WSCD2: variants seen among roughly 807,000 people sequenced by gnomAD.
WSCD2 encodes WSC domain sialate O sulfotransferase 2, also known as sialate:O-sulfotransferase 2.
In WSCD2, 28 loss-of-function variants were observed where a neutral mutation model predicts 55.7. The observed-to-expected ratio is 0.50, with a 90% CI of 0.37 to 0.69. WSCD2 has a LOEUF of 0.69. Ranked by LOEUF, WSCD2 falls within the 30% of genes least tolerant of loss-of-function variation. The pLI is 0.00. For synonymous variants in WSCD2, 301 were observed against 301.9 expected (o/e 1.00, Z 0.03); for missense variants, 616 against 762.1 (o/e 0.81, Z 2.26).
chr12:108,145,966 C>T (rs1479319766), intron 1 of WSCD2, among the ~76,000 whole-genome samples: 1 of 152,100 alleles, frequency 6.6e-6, no homozygotes, highest in Non-Finnish European at 1.5e-5. Context: ...TTGGTGGAAA[C>T]ATAAAAACAA....
chr12:108,154,476 T>C (rs1156856593), intron 1 of WSCD2, among the ~76,000 whole-genome samples: 2 of 152,218 alleles, frequency 1.3e-5, no homozygotes, highest in African/African-American at 4.8e-5. Flanking sequence ...GTGATGATAT[T>C]GTATCCATGA....
At chr12:108,238,146 G>A (rs940585307) in intron 7 of WSCD2, among the ~76,000 whole-genome samples, 1 of 152,186 alleles carries the variant, frequency 6.6e-6, no homozygotes, top group Non-Finnish European at 1.5e-5. Context: ...TATGTCTGAA[G>A]CTGTCTCTCT....
intron 1 of WSCD2, among the ~76,000 whole-genome samples, chr12:108,182,193 C>A (rs1051126076): frequency 2.0e-5 from 3 of 152,172 alleles, no homozygotes. Flanking sequence ...GTGTTTCCAT[C>A]CATCTGTTTT....
At chr12:108,192,375 T>C (rs1440604667) in intron 1 of WSCD2, among the ~76,000 whole-genome samples, 1 of 152,190 alleles carries the variant, frequency 6.6e-6, no homozygotes, top group Non-Finnish European at 1.5e-5. Context: ...AGGCAGGATT[T>C]GAACCCAGGT....
intron 4 of WSCD2, among the ~76,000 whole-genome samples, chr12:108,212,981 CT>C (rs1427303754): frequency 1.3e-5 from 2 of 152,168 alleles, no homozygotes; most frequent in African/African-American, 4.8e-5. Flanking sequence ...CTTGAGGCTA[CT>C]AAGGCTGAGA....
intron 7 of WSCD2, among the ~76,000 whole-genome samples, chr12:108,239,603 T>C (rs1303681698): frequency 6.6e-6 from 1 of 152,124 alleles, no homozygotes; most frequent in Non-Finnish European, 1.5e-5. Context: ...CCACAGGAAG[T>C]CACATGGCCA....
intron 4 of WSCD2, among the ~76,000 whole-genome samples, chr12:108,221,636 T>G (rs1887530907): frequency 6.6e-6 from 1 of 152,180 alleles, no homozygotes; most frequent in South Asian, 2.1e-4. Flanking sequence ...GTGCATGTGC[T>G]CATTTAGGAG....
chr12:108,196,113 A>C lies in WSCD2; in HGVS notation c.281A>C (p.Lys94Thr). ...GCTCGCAGGTACGGACCCTGGTTCA[A>C]GGGCAAGGATGGGAATGAGAGAGCC... ...SIARRYGPWF[K>T]GKDGNERAKL... The change falls in exon 2 of 9, where the codon AAG becomes ACG. Residue 94 changes from lysine to threonine, a missense_variant. Around this residue, in one of 3 missense-constraint regions of WSCD2, gnomAD observed 374 missense variants for 467.4 expected, o/e 0.80. Transcript: ENST00000547525. 6.2e-7 allele frequency: 1 copy of C among 1,614,178 alleles called. No homozygotes were observed. The highest frequency in any genetic ancestry group is 1.1e-5 in the South Asian group (1 of 91,072).
intron 7 of WSCD2, among the ~76,000 whole-genome samples, chr12:108,235,297 A>C (rs1192838187): frequency 1.2e-4 from 18 of 152,226 alleles, no homozygotes. Context: ...TAGCCAGGAC[A>C]GTCATTTACT....
At chr12:108,202,410 C>T (rs1014668818) in intron 2 of WSCD2, among the ~76,000 whole-genome samples, 3 of 152,146 alleles carry the variant, frequency 2.0e-5, no homozygotes, top group African/African-American at 4.8e-5. Context: ...GAGGGTCATT[C>T]GTTCATTCAA....
intron 1 of WSCD2, among the ~76,000 whole-genome samples, chr12:108,158,414 C>T (rs989444983): frequency 7.8e-6 from 1 of 128,160 alleles, no homozygotes; most frequent in Non-Finnish European, 1.6e-5. Flanking sequence ...TACAACCTGG[C>T]GTTAGGCTGC....
At chr12:108,155,517 C>T (rs1592899249) in intron 1 of WSCD2, among the ~76,000 whole-genome samples, 1 of 152,212 alleles carries the variant, frequency 6.6e-6, no homozygotes, top group Non-Finnish European at 1.5e-5. Context: ...AAGAGGTCAA[C>T]ACTGACTGAA....
At chr12:108,157,206 G>A (rs557108175) in intron 1 of WSCD2, among the ~76,000 whole-genome samples, 25 of 152,338 alleles carry the variant, frequency 1.6e-4, no homozygotes, top group Admixed American at 1.6e-3. Flanking sequence ...GAAAAATTGA[G>A]TAGCAAAGTA....
At chr12:108,174,657 C>A (rs544837197) in intron 1 of WSCD2, among the ~76,000 whole-genome samples, 17 of 152,276 alleles carry the variant, frequency 1.1e-4, no homozygotes, top group African/African-American at 4.1e-4. Flanking sequence ...CTCTGTTGCC[C>A]AGGCTCGAGT....
Position 108,240,354 on chromosome 12 carries a change from T to A in WSCD2, c.1155T>A (p.Gly385=). 1 of 1,613,958 alleles carries A rather than the reference T, an allele frequency of 6.2e-7. No homozygotes were observed. ...TCTGGCTGCGGGAAGGGTTTAAAGG[T>A]GAGCGGGACCACTGGCGCAGCGGAC... ...DGSLYNKGFK[G]ERDHWRSGRT... Residue 385 remains glycine (G), a synonymous_variant, in exon 8 of 9, where the codon GGT becomes GGA. Transcript: ENST00000547525.
intron 1 of WSCD2, among the ~76,000 whole-genome samples, chr12:108,177,320 GCCTGGC>G (rs1199087882): frequency 6.6e-6 from 1 of 152,150 alleles, no homozygotes; most frequent in Non-Finnish European, 1.5e-5. Flanking sequence ...CTGGCATGGT[GCCTGGC>G]CCAGAGTGAG....
intron 1 of WSCD2, chr12:108,189,767 G>A (rs1445765726): frequency 6.6e-6 from 1 of 152,052 alleles, no homozygotes; most frequent in Non-Finnish European, 1.5e-5. Context: ...TTCACTCCTA[G>A]GTATACATGC....
At chr12:108,151,743 C>T (rs898932996) in intron 1 of WSCD2, among the ~76,000 whole-genome samples, 1 of 152,246 alleles carries the variant, frequency 6.6e-6, no homozygotes, top group Non-Finnish European at 1.5e-5. Context: ...AGGCCACTCT[C>T]TGGGACCTGA....
chr12:108,204,235 T>TCA (rs763903151), intron 2 of WSCD2, among the ~76,000 whole-genome samples: 2 of 151,998 alleles, frequency 1.3e-5, no homozygotes, highest in South Asian at 2.1e-4. Flanking sequence ...TCTCTCTCTC[T>TCA]CTCACACACA....
Sources: gnomAD v4.1 joint callset for allele counts (sites outside exome capture counted in the v4.1 genomes callset) on GRCh38, gnomAD v4.1.1 for gene constraint, gnomAD v4.1.1 regional missense constraint, MANE v1.5 for transcripts, NCBI Gene and HGNC (gene_info 2026-07-23, HGNC 2026-07-21) for gene names.